Variants in RPUSD1 observed in about 807,000 individuals in gnomAD.
RPUSD1 encodes RNA pseudouridine synthase domain containing 1, also known as pseudouridylate synthase RPUSD1.
In RPUSD1, 28 loss-of-function variants were observed where a neutral mutation model predicts 22.4. That is an observed-to-expected ratio of 1.25 (90% confidence interval 0.93 to 1.72). The LOEUF (loss-of-function observed/expected upper bound fraction) is 1.72, where lower values mean the gene tolerates loss of function less well. Ranked by LOEUF, RPUSD1 falls within the 40% of genes most tolerant of loss-of-function variation. RPUSD1 has a pLI of 0.00. For missense variants in RPUSD1, 596 were observed against 442.2 expected, an observed-to-expected ratio of 1.35 and a Z score of -3.12; for synonymous variants, 298 against 201.0, an observed-to-expected ratio of 1.48 and a Z score of -4.08.
rs115279671 is a variant in RPUSD1 at position 787,791 on chromosome 16, C to G, written c.-7-47G>C. 8.8e-4 allele frequency: 1,398 copies of G among 1,580,570 alleles called. 16 individuals are homozygous for G. The African/African-American group carries it at 0.016, about 18-fold the overall frequency. The stretch of plus-strand genomic sequence containing the variant: ...CGTGTGCTGTGAGCACGTGGTGCGC[C>G]CCCAGCCCAGCATACAGAGGTACCC... On this transcript the variant is annotated intron_variant, in intron 1 of 5. Coordinates refer to ENST00000007264, the MANE Select transcript of RPUSD1 (RefSeq NM_058192.3).
In RPUSD1 at chr16:785,722, C is replaced by CGCAT. The variant is rs565863457; in HGVS notation, c.*224_*227dup. 468 of 411,610 alleles carry CGCAT rather than the reference C, an allele frequency of 1.1e-3. 1 individual carries two copies. The highest frequency in any genetic ancestry group is 3.6e-3 in the Middle Eastern group (6 of 1,648). 25.5% of individuals were successfully genotyped at this position (411,610 alleles called of 1,614,324 possible). On this transcript the variant is annotated 3_prime_UTR_variant, in exon 6 of 6. Transcript: ENST00000007264. ...GTGGGCAGGAAGGCCCTCGGGATCC[C>CGCAT]GCATCAGTCCCACGGCCGCGGTGCG...
intron 1 of RPUSD1, 183 bp downstream of exon 1, chr16:788,073 T>C: frequency 2.0e-6 from 1 of 490,074 alleles, no homozygotes; most frequent in East Asian, 4.9e-5. Context: ...TGCCCGACGG[T>C]GGGGGCGGGG....
chr16:786,047 C>CG lies in RPUSD1; in HGVS notation c.841dup (p.Arg281ProfsTer11). The CG allele has an allele frequency of 6.6e-7, 1 of 1,518,366 alleles. No individual in the cohort carries two copies. The highest frequency in any genetic ancestry group is 8.8e-7 in the Non-Finnish European group (1 of 1,134,872). The allele number at this position is 1,518,366 out of a possible 1,614,324, so 94.1% of individuals were successfully genotyped here. ...GGGCTTGGTTGGGGGTGGAGGAGGC[C>CG]GGCCGGGCCCAGGCAGGAGTGCGGA... On this transcript the variant is annotated frameshift_variant, in exon 6 of 6. Transcript: ENST00000007264. LOFTEE classifies it high-confidence loss of function.
chr16:786,692 G>C, intron 5 of RPUSD1, 135 bp downstream of exon 5: 2 of 809,208 alleles, frequency 2.5e-6, no homozygotes, highest in South Asian at 1.4e-5. Context: ...AGGCTGCAGG[G>C]CGTGGAGTTA....
Position 785,160 on chromosome 16 carries a change from G to C in RPUSD1, c.*790C>G, listed in dbSNP as rs1053776308. The C allele has an allele frequency of 6.6e-6, 1 of 152,530 alleles. No homozygotes were observed. The highest frequency in any genetic ancestry group is 6.5e-5 in the Admixed American group (1 of 15,296). 9.4% of individuals were successfully genotyped at this position (152,530 alleles called of 1,614,324 possible). A position where few individuals can be genotyped will look rare whatever the true frequency, so the allele number is the denominator to read the frequency against. On this transcript the variant is annotated 3_prime_UTR_variant, in exon 6 of 6. Coordinates refer to ENST00000007264, the MANE Select transcript of RPUSD1 (RefSeq NM_058192.3). ...GAGCCAGGCAGGCGGTGACGTGGCAGAGCTGCCAGCAGGGGCCCAAGAGAC... is the reference window on the plus strand; with the variant it reads ...GAGCCAGGCAGGCGGTGACGTGGCACAGCTGCCAGCAGGGGCCCAAGAGAC...
In RPUSD1 at chr16:787,642, C is replaced by G. The variant is rs151215485; in HGVS notation, c.96G>C (p.Lys32Asn). 1.2e-4 allele frequency: 192 copies of G among 1,612,332 alleles called. 1 individual carries two copies. In the African/African-American group the frequency reaches 2.4e-3, roughly 20 times the overall value. Residue 32 changes from lysine (K) to asparagine (N), a missense_variant, in exon 2 of 6, where the codon AAG becomes AAC. Transcript: ENST00000007264. Reference protein sequence around the residue: ...NKHWDVRIDSKAWRETLTLQK... With the variant: ...NKHWDVRIDSNAWRETLTLQK... ...GCAGGGTCAGAGTCTCCCGCCACGC[C>G]TTGCTGTCAATGCGAACGTCCCAGT...
At position 786,834 on chromosome 16, in the gene RPUSD1, C is replaced by G; in HGVS notation, c.504G>C (p.Pro168=). 1 of 1,612,416 alleles carries G rather than the reference C, an allele frequency of 6.2e-7. No individual in the cohort carries two copies. Among genetic ancestry groups the G allele is most frequent in the Non-Finnish European group, 8.5e-7 (1 of 1,179,302 alleles). The change falls in exon 5 of 6, where the codon CCG becomes CCC. Residue 168 remains proline (P), a synonymous_variant. Coordinates refer to ENST00000007264, the MANE Select transcript of RPUSD1 (RefSeq NM_058192.3). ...CGCCCACCCCAGACACACCCGTGAG[C>G]GGCTTCAGCAGCACTTTGGAGACAG... The part of the protein sequence containing the change: ...GDPVSKVLLK[P]LTGRTHQLRV...
rs1300962419 is a variant in RPUSD1, at chr16:787,632, C to T, written c.106G>A (p.Glu36Lys). The T allele has an allele frequency of 3.7e-6, 6 of 1,612,046 alleles. No individual in the cohort carries two copies. The African/African-American group carries it at 4.0e-5, about 11-fold the overall frequency. ...AGCTGCTTCTGCAGGGTCAGAGTCT[C>T]CCGCCACGCCTTGCTGTCAATGCGA... is the stretch of plus-strand genomic sequence containing the variant. Reference protein sequence around the residue: ...DVRIDSKAWRETLTLQKQLRY... With the variant: ...DVRIDSKAWRKTLTLQKQLRY... The change falls in exon 2 of 6, where the codon GAG becomes AAG. Residue 36 changes from glutamate to lysine, a missense_variant. By Grantham distance (56) the Glu-to-Lys change is moderately conservative. Transcript: ENST00000007264.
At chr16:787,054 C>T (rs200619687) in intron 4 of RPUSD1, 23 bp downstream of exon 4, 88 of 1,596,124 alleles carry the variant, frequency 5.5e-5, no homozygotes, top group African/African-American at 3.8e-4. Flanking sequence ...GATGCCCGCC[C>T]GGTGGGTCCC....
chr16:786,970 C>T (rs768333351), intron 4 of RPUSD1, 42 bp from the exon 5 acceptor site: 19 of 1,595,208 alleles, frequency 1.2e-5, no homozygotes, highest in African/African-American at 6.7e-5. Context: ...GGGACTGACC[C>T]GGGGCCCAGG....
rs1471739588 is a variant in RPUSD1 at position 786,814 on chromosome 16, A to G, written c.511+13T>C. 11 of 1,607,824 alleles carry G rather than the reference A, an allele frequency of 6.8e-6. No individual in the cohort carries two copies. The highest frequency in any genetic ancestry group is 1.3e-5 in the African/African-American group (1 of 74,844). On this transcript the variant is annotated intron_variant, in intron 5 of 5. Coordinates refer to ENST00000007264, the MANE Select transcript of RPUSD1 (RefSeq NM_058192.3). ...TTCTGTCACCACCAGGACACCGCCC[A>G]CCCCAGACACACCCGTGAGCGGCTT...
At chr16:786,415 G>A (rs368783506) in intron 5 of RPUSD1, 38 bp from the exon 6 acceptor site, 61 of 1,572,984 alleles carry the variant, frequency 3.9e-5, no homozygotes, top group Admixed American at 5.1e-5. Flanking sequence ...AGCTGGGAGC[G>A]GGGCCGATCC....
intron 1 of RPUSD1, 38 bp from the exon 2 acceptor site, chr16:787,782 G>A (rs1199061904): frequency 2.5e-6 from 4 of 1,589,554 alleles, no homozygotes; most frequent in South Asian, 1.1e-5. Context: ...CTGTGAGCAC[G>A]TGGTGCGCCC....
chr16:786,959 T>G, intron 4 of RPUSD1, 31 bp from the exon 5 acceptor site: 2 of 1,605,506 alleles, frequency 1.2e-6, no homozygotes, highest in Non-Finnish European at 1.7e-6. Context: ...GTGAGGTTAG[T>G]GGGACTGACC....
chr16:787,289 G>A, intron 3 of RPUSD1, 65 bp downstream of exon 3: 1 of 1,549,004 alleles, frequency 6.5e-7, no homozygotes, highest in Non-Finnish European at 8.7e-7. Flanking sequence ...TCTGAGCCAG[G>A]GCTGCCCAAG....
Position 786,050 on chromosome 16 carries a change from CCGGGCCCAGGCAGGA to C in RPUSD1, c.824_838del (p.Leu275_Gly280delinsArg). 6.6e-7 allele frequency: 1 copy of C among 1,524,588 alleles called. No homozygotes were observed. Among genetic ancestry groups the C allele is most frequent in the East Asian group, 2.3e-5 (1 of 43,676 alleles). The allele number at this position is 1,524,588 out of a possible 1,614,324, so 94.4% of individuals were successfully genotyped here. On this transcript the variant is annotated inframe_deletion, in exon 6 of 6. Coordinates refer to ENST00000007264, the MANE Select transcript of RPUSD1 (RefSeq NM_058192.3). The stretch of plus-strand genomic sequence containing the variant: ...CTTGGTTGGGGGTGGAGGAGGCCGG[CCGGGCCCAGGCAGGA>C]GTGCGGAGGGGCTGCCTGGCCTGGG...
Position 788,368 on chromosome 16 carries a change from G to A in RPUSD1, c.-120C>T, listed in dbSNP as rs1007199253. 226 of 187,410 alleles carry A rather than the reference G, an allele frequency of 1.2e-3. No homozygotes were observed. The highest frequency in any genetic ancestry group is 5.1e-3 in the African/African-American group (212 of 41,176). The allele number at this position is 187,410 out of a possible 1,614,324, so 11.6% of individuals were successfully genotyped here. ...CCTGGAAGCTCCGCTCCGGACGCCT[G>A]GCAGCGCTTCCGCCCTGCACCGCTG... On this transcript the variant is annotated 5_prime_UTR_variant, in exon 1 of 6. Coordinates refer to ENST00000007264, the MANE Select transcript of RPUSD1 (RefSeq NM_058192.3).
At chr16:786,731 T>C (rs748941674) in intron 5 of RPUSD1, 96 bp downstream of exon 5, 2 of 1,005,548 alleles carry the variant, frequency 2.0e-6, no homozygotes, top group East Asian at 2.4e-5. Context: ...TTGCCAGCTC[T>C]GCCCTGATGC....
rs368730340 is a variant in RPUSD1 at position 786,348 on chromosome 16, T to C, written c.541A>G (p.Ser181Gly). Residue 181 changes from serine (S) to glycine (G), a missense_variant, in exon 6 of 6, where the codon AGT becomes GGT. Physicochemically the swap from Ser to Gly is moderately conservative, Grantham distance 56 (BLOSUM62 0). Transcript: ENST00000007264. ...CCCACCACGGGGTGGCCCAGGGCAC[T>C]GCAGTGCACGCGCAGCTGGTGTGTC... ...GRTHQLRVHC[S>G]ALGHPVVGDL... The C allele has an allele frequency of 5.6e-6, 9 of 1,611,420 alleles. No homozygotes were observed. Among genetic ancestry groups the C allele is most frequent in the African/African-American group, 5.3e-5 (4 of 75,026 alleles).
Sources: allele counts gnomAD v4.1 joint callset, GRCh38; gene constraint gnomAD v4.1.1; transcripts MANE v1.5; gene names NCBI Gene and HGNC (gene_info 2026-07-23, HGNC 2026-07-21).